CCBE1: variants seen among roughly 807,000 people sequenced by gnomAD.
CCBE1 encodes collagen and calcium binding EGF domains 1.
CCBE1 carries 37 observed loss-of-function variants against 50.0 expected under a neutral mutation model. The observed-to-expected ratio is 0.74, with a 90% confidence interval of 0.57 to 0.97. The LOEUF is 0.97. Among genes scored for constraint, CCBE1 ranks in the 50% least tolerant of loss-of-function variants. The pLI, the probability that CCBE1 is intolerant of heterozygous loss-of-function variation, is 0.00. For missense variants in CCBE1, 538 were observed against 523.8 expected, an observed-to-expected ratio of 1.03 and a Z score of -0.26; for synonymous variants, 234 against 203.7, an observed-to-expected ratio of 1.15 and a Z score of -1.27.
At chr18:59,459,825 G>A (rs8086967) in intron 5 of CCBE1, among the ~76,000 whole-genome samples, 65,871 of 151,922 alleles carry the variant, frequency 0.43, 14,479 homozygotes, top group Middle Eastern at 0.5. Flanking sequence ...ACCCGTCTGG[G>A]GATGGCAAGG....
chr18:59,529,418 G>T lies in CCBE1; in HGVS notation c.213-49180C>A, dbSNP rs1914961457. On this transcript the variant is annotated intron_variant, in intron 2 of 10. Transcript: ENST00000439986. ...TCTCCCCGGGAACTTGTAGTCTTAGGCAGTCTACAGCCAAGTGGCTATGGA... is the reference window on the plus strand; with the variant it reads ...TCTCCCCGGGAACTTGTAGTCTTAGTCAGTCTACAGCCAAGTGGCTATGGA... Among the ~76,000 whole-genome samples, 3 of 152,252 alleles carry T rather than the reference G, an allele frequency of 2.0e-5. No individual in the cohort carries two copies. In the South Asian group the frequency reaches 6.2e-4, roughly 31 times the overall value.
chr18:59,641,272 T>C (rs559205136), intron 2 of CCBE1, among the ~76,000 whole-genome samples: 1 of 152,120 alleles, frequency 6.6e-6, no homozygotes, highest in Admixed American at 6.5e-5. Flanking sequence ...GAATACTACA[T>C]AGCTATAAAA....
At chr18:59,668,778 G>A (rs555727001) in intron 2 of CCBE1, among the ~76,000 whole-genome samples, 10 of 148,318 alleles carry the variant, frequency 6.7e-5, no homozygotes, top group South Asian at 2.1e-4. Flanking sequence ...TTGTAAGTGC[G>A]ATATGTCCAA....
intron 2 of CCBE1, among the ~76,000 whole-genome samples, chr18:59,672,305 C>A (rs1019047331): frequency 1.3e-5 from 2 of 152,156 alleles, no homozygotes; most frequent in Non-Finnish European, 2.9e-5. Flanking sequence ...CCTCCCATTC[C>A]TGTGCACAAG....
chr18:59,621,497 T>G (rs2053709658), intron 2 of CCBE1, among the ~76,000 whole-genome samples: 1 of 152,224 alleles, frequency 6.6e-6, no homozygotes, highest in Non-Finnish European at 1.5e-5. Context: ...AGCAGACATG[T>G]GGATAAATAA....
At chr18:59,454,810 C>T (rs1353224057) in intron 6 of CCBE1, 41 bp downstream of exon 6, 2 of 1,536,902 alleles carry the variant, frequency 1.3e-6, no homozygotes, top group Non-Finnish European at 1.8e-6. Context: ...CCAAGCCCTC[C>T]TTCCATCAGG....
At chr18:59,692,422 G>T (rs567485000) in intron 2 of CCBE1, among the ~76,000 whole-genome samples, 24 of 152,294 alleles carry the variant, frequency 1.6e-4, no homozygotes, top group Admixed American at 3.9e-4. Flanking sequence ...TAGTAGAGCT[G>T]GGATTCACAC....
chr18:59,674,796 A>T (rs2054477685), intron 2 of CCBE1, among the ~76,000 whole-genome samples: 1 of 152,226 alleles, frequency 6.6e-6, no homozygotes, highest in Non-Finnish European at 1.5e-5. Context: ...CACAACTTTT[A>T]TAAAATATAA....
chr18:59,651,354 C>T (rs769422992), intron 2 of CCBE1, among the ~76,000 whole-genome samples: 2 of 152,208 alleles, frequency 1.3e-5, no homozygotes, highest in African/African-American at 2.4e-5. Flanking sequence ...GTTATGGGAA[C>T]AAAACCAGGC....
intron 1 of CCBE1, 139 bp from the exon 2 acceptor site, chr18:59,696,848 C>T (rs933110771): frequency 3.2e-6 from 3 of 946,402 alleles, no homozygotes; most frequent in Admixed American, 2.0e-5. Context: ...TCCCCAAACG[C>T]GTACGCGGGG....
chr18:59,542,119 A>G (rs1422650483), intron 2 of CCBE1, among the ~76,000 whole-genome samples: 2 of 149,016 alleles, frequency 1.3e-5, no homozygotes, highest in Non-Finnish European at 3.0e-5. Flanking sequence ...GGCTGCAGTG[A>G]GCTGTGAGTG....
intron 10 of CCBE1, 27 bp downstream of exon 10, chr18:59,438,084 G>A: frequency 6.2e-7 from 1 of 1,613,620 alleles, no homozygotes; most frequent in South Asian, 1.1e-5. Context: ...GTTCCCCTGG[G>A]GAAGCAGGAC....
intron 2 of CCBE1, among the ~76,000 whole-genome samples, chr18:59,590,283 G>A (rs2053243858): frequency 1.3e-5 from 2 of 152,046 alleles, no homozygotes; most frequent in Non-Finnish European, 2.9e-5. Flanking sequence ...TAGTAAAGAA[G>A]CATATAAAAT....
chr18:59,497,298 G>A (rs930912148), intron 2 of CCBE1, among the ~76,000 whole-genome samples: 2 of 152,216 alleles, frequency 1.3e-5, no homozygotes, highest in African/African-American at 2.4e-5. Context: ...GATAGATGCC[G>A]TGGGGGAAGT....
chr18:59,488,215 A>G (rs1912915403), intron 2 of CCBE1, among the ~76,000 whole-genome samples: 1 of 152,234 alleles, frequency 6.6e-6, no homozygotes, highest in Non-Finnish European at 1.5e-5. Context: ...TTACTGGGTA[A>G]CGGATACAGA....
In CCBE1 at chr18:59,564,243, A is replaced by G. The variant is rs533296422; in HGVS notation, c.213-84005T>C. Among the ~76,000 whole-genome samples the G allele has an allele frequency of 6.6e-5, 10 of 152,376 alleles. No individual in the cohort carries two copies. In the South Asian group the frequency reaches 1.9e-3, roughly 28 times the overall value. On this transcript the variant is annotated intron_variant, in intron 2 of 10. Coordinates refer to ENST00000439986, the MANE Select transcript of CCBE1 (RefSeq NM_133459.4). Reference sequence around the variant, plus strand: ...CAAAATTCATATTTTATAGAAATGCATAAAGAATGAAGGGTAAATTCCTCT... The same window carrying G: ...CAAAATTCATATTTTATAGAAATGCGTAAAGAATGAAGGGTAAATTCCTCT...
At chr18:59,486,662 A>T (rs1912837096) in intron 2 of CCBE1, among the ~76,000 whole-genome samples, 1 of 152,198 alleles carries the variant, frequency 6.6e-6, no homozygotes, top group African/African-American at 2.4e-5. Context: ...GCAGAACCTC[A>T]GCAAGGCTTA....
intron 2 of CCBE1, among the ~76,000 whole-genome samples, chr18:59,491,827 C>CAAAAAAACAAACAAAT (rs1555683266): frequency 7.5e-6 from 1 of 133,340 alleles, no homozygotes; most frequent in Non-Finnish European, 1.7e-5. Flanking sequence ...AACAAACAAA[C>CAAAAAAACAAACAAAT]AAACAAACAA....
chr18:59,591,112 G>A lies in CCBE1; in HGVS notation c.212+105517C>T, dbSNP rs1470235881. On this transcript the variant is annotated intron_variant, in intron 2 of 10. Transcript: ENST00000439986. Reference sequence around the variant, plus strand: ...ACAAAAAAAATTAGCCGGGCGTGATGGTGGGCGCCTGTAGTCCCAGCTACT... The same window carrying A: ...ACAAAAAAAATTAGCCGGGCGTGATAGTGGGCGCCTGTAGTCCCAGCTACT... Among the ~76,000 whole-genome samples the A allele has an allele frequency of 5.6e-5, 5 of 88,830 alleles. 2 individuals carry two copies. The highest frequency in any genetic ancestry group is 5.5e-4 in the Admixed American group (5 of 9,114). The allele number at this position is 88,830 out of a possible 152,430, so 58.3% of individuals were successfully genotyped here.
Sources: allele counts gnomAD v4.1 joint callset (sites outside exome capture counted in the v4.1 genomes callset), GRCh38; gene constraint gnomAD v4.1.1; transcripts MANE v1.5; gene names NCBI Gene and HGNC (gene_info 2026-07-23, HGNC 2026-07-21).